Variants in SPIDR observed in about 807,000 individuals in gnomAD.
The protein encoded by SPIDR is scaffold protein involved in DNA repair.
A neutral mutation model predicts 104.6 loss-of-function variants in SPIDR; 93 were observed. That is an observed-to-expected ratio of 0.89 (90% confidence interval 0.75 to 1.06). The LOEUF (loss-of-function observed/expected upper bound fraction) is 1.06, where lower values mean the gene tolerates loss of function less well. SPIDR is among the 50% of genes least tolerant of loss of function. SPIDR has a pLI of 0.00. For missense variants in SPIDR, 1,154 were observed against 1,111.2 expected (o/e 1.04, Z -0.55); for synonymous variants, 431 against 416.9 (o/e 1.03, Z -0.41).
At chr8:47,400,718 A>G (rs1174003629) in intron 6 of SPIDR, among the ~76,000 whole-genome samples, 2 of 149,440 alleles carry the variant, frequency 1.3e-5, no homozygotes, top group Non-Finnish European at 1.5e-5. Flanking sequence ...TATTCAAAGC[A>G]TAAGTAACAA....
rs1554648883 is a variant in SPIDR, at chr8:47,387,133, T to TGGGGTGGGAATG, written c.526-9243_526-9242insGGGGTGGGAATG. ...GGGGTGGGAATGAGGAAGCATATTC[T>TGGGGTGGGAATG]AGGGCAGAAAGGGCTATGGCATCCA... is the stretch of plus-strand genomic sequence containing the variant. On this transcript the variant is annotated intron_variant, in intron 5 of 19. Coordinates refer to ENST00000297423, the MANE Select transcript of SPIDR (RefSeq NM_001080394.4). Among the ~76,000 whole-genome samples the TGGGGTGGGAATG allele has an allele frequency of 5.9e-5, 9 of 152,208 alleles. No individual in the cohort carries two copies. In the East Asian group the frequency reaches 9.7e-4, roughly 16 times the overall value.
intron 5 of SPIDR, among the ~76,000 whole-genome samples, chr8:47,317,690 C>T (rs1476105396): frequency 2.0e-5 from 3 of 152,080 alleles, no homozygotes; most frequent in Non-Finnish European, 4.4e-5. Context: ...AACTGGGAGG[C>T]ACCCCCTAGT....
intron 7 of SPIDR, among the ~76,000 whole-genome samples, chr8:47,438,053 G>T (rs959214960): frequency 2.6e-5 from 4 of 152,222 alleles, no homozygotes; most frequent in African/African-American, 7.2e-5. Context: ...GGTCTATGGG[G>T]ACTTGAGCTG....
At chr8:47,701,601 A>T in intron 12 of SPIDR, 120 bp from the exon 13 acceptor site, 1 of 944,088 alleles carries the variant, frequency 1.1e-6, no homozygotes, top group Non-Finnish European at 1.6e-6. Flanking sequence ...ATAGCATTCC[A>T]GAGAGAGGAT....
Position 47,702,095 on chromosome 8 carries a change from TCTTACA to T in SPIDR, c.1977+82_1977+87del, listed in dbSNP as rs1381979259. 714 of 73,712 alleles carry T rather than the reference TCTTACA, an allele frequency of 9.7e-3. 25 individuals carry two copies. The highest frequency in any genetic ancestry group is 0.037 in the African/African-American group (613 of 16,722). 4.6% of individuals were successfully genotyped at this position (73,712 alleles called of 1,614,324 possible). On this transcript the variant is annotated intron_variant, in intron 14 of 19. Coordinates refer to ENST00000297423, the MANE Select transcript of SPIDR (RefSeq NM_001080394.4). ...CTCTCTCTCTCTCTCTCTCTCTCTC[TCTTACA>T]CACACACACACACACACACACACAC... is the stretch of plus-strand genomic sequence containing the variant.
intron 10 of SPIDR, among the ~76,000 whole-genome samples, chr8:47,630,785 C>T (rs2066941494): frequency 6.6e-6 from 1 of 152,146 alleles, no homozygotes; most frequent in Non-Finnish European, 1.5e-5. Context: ...ACCTATAGCC[C>T]CCTATGGTCT....
At chr8:47,349,072 C>A (rs1178419178) in intron 5 of SPIDR, among the ~76,000 whole-genome samples, 1 of 152,224 alleles carries the variant, frequency 6.6e-6, no homozygotes, top group East Asian at 1.9e-4. Flanking sequence ...TCTGGTTTCT[C>A]CCCAACTTTG....
intron 2 of SPIDR, among the ~76,000 whole-genome samples, chr8:47,282,336 C>T (rs1381702601): frequency 6.6e-6 from 1 of 152,224 alleles, no homozygotes; most frequent in African/African-American, 2.4e-5. Context: ...TCTCTAGCTA[C>T]GAAAGTCTTA....
chr8:47,596,029 G>C, intron 9 of SPIDR, 23 bp downstream of exon 9: 1 of 1,583,306 alleles, frequency 6.3e-7, no homozygotes, highest in Non-Finnish European at 8.6e-7. Context: ...TGGCCTAAAG[G>C]TTTTATGCTT....
At chr8:47,388,203 T>C (rs1554649460) in intron 5 of SPIDR, 1 of 152,240 alleles carries the variant, frequency 6.6e-6, no homozygotes, top group African/African-American at 2.4e-5. Flanking sequence ...AGCACTAGTG[T>C]GAGCCATACT....
intron 8 of SPIDR, among the ~76,000 whole-genome samples, chr8:47,594,165 G>C (rs979399683): frequency 3.6e-4 from 43 of 118,266 alleles, no homozygotes; most frequent in African/African-American, 1.4e-3. Flanking sequence ...TTTGAGACCA[G>C]CCTGGTCACC....
At chr8:47,506,281 C>T (rs2081468288) in intron 8 of SPIDR, among the ~76,000 whole-genome samples, 1 of 152,092 alleles carries the variant, frequency 6.6e-6, no homozygotes, top group African/African-American at 2.4e-5. Context: ...CAACATAAAC[C>T]CCCCTTACAT....
At chr8:47,298,402 G>C (rs1443938312) in intron 5 of SPIDR, among the ~76,000 whole-genome samples, 1 of 152,026 alleles carries the variant, frequency 6.6e-6, no homozygotes, top group Admixed American at 6.6e-5. Context: ...CATTCTTTAG[G>C]TTGCTGTTCA....
intron 10 of SPIDR, among the ~76,000 whole-genome samples, chr8:47,668,861 G>C (rs2075378168): frequency 6.6e-6 from 1 of 151,904 alleles, no homozygotes; most frequent in African/African-American, 2.4e-5. Context: ...CAAAACCATA[G>C]ACAGTCTAGG....
intron 8 of SPIDR, among the ~76,000 whole-genome samples, chr8:47,578,957 A>G (rs1363123378): frequency 6.6e-6 from 1 of 152,234 alleles, no homozygotes; most frequent in African/African-American, 2.4e-5. Context: ...TAAGAAGCTG[A>G]AAATAAAAGG....
At chr8:47,721,980 A>G (rs1433719403) in intron 16 of SPIDR, among the ~76,000 whole-genome samples, 1 of 152,156 alleles carries the variant, frequency 6.6e-6, no homozygotes, top group Non-Finnish European at 1.5e-5. Context: ...AAAAAATGAC[A>G]TGTTGTAATA....
chr8:47,411,800 A>G (rs1361871393), intron 7 of SPIDR, among the ~76,000 whole-genome samples: 2 of 152,200 alleles, frequency 1.3e-5, no homozygotes, highest in South Asian at 4.1e-4. Context: ...CTAACATTTA[A>G]GTCTTTAATT....
rs2082061781 is a variant in SPIDR, at chr8:47,712,780, C to G, written c.2096C>G (p.Ala699Gly). 1.2e-6 allele frequency: 2 copies of G among 1,614,130 alleles called. No individual in the cohort carries two copies. The highest frequency in any genetic ancestry group is 1.7e-5 in the Admixed American group (1 of 60,012). The part of the protein sequence containing the change: ...RLPKTLLVYV[A>G]PLCVLGSEVL... ...CCCAAAACCCTGCTGGTCTATGTGGCCCCCTTGTGTGTGCTGGGCTCTGAA... is the reference window on the plus strand; with the variant it reads ...CCCAAAACCCTGCTGGTCTATGTGGGCCCCTTGTGTGTGCTGGGCTCTGAA... Residue 699 changes from alanine (A) to glycine (G), a missense_variant, in exon 15 of 20, where the codon GCC becomes GGC. Coordinates refer to ENST00000297423, the MANE Select transcript of SPIDR (RefSeq NM_001080394.4).
At chr8:47,561,482 T>C (rs999415878) in intron 8 of SPIDR, among the ~76,000 whole-genome samples, 1 of 152,206 alleles carries the variant, frequency 6.6e-6, no homozygotes, top group African/African-American at 2.4e-5. Context: ...TCACATACTT[T>C]TCTCAGCCCG....
Sources: allele counts gnomAD v4.1 joint callset (sites outside exome capture counted in the v4.1 genomes callset), GRCh38; gene constraint gnomAD v4.1.1; transcripts MANE v1.5; gene names NCBI Gene and HGNC (gene_info 2026-07-23, HGNC 2026-07-21).